NALF1: variants seen among roughly 807,000 people sequenced by gnomAD.
NALF1 encodes family with sequence similarity 155 member A.
Under a neutral mutation model 48.4 loss-of-function variants are expected in NALF1, and 3 were observed. The ratio of observed to expected loss-of-function variants is 0.06; its 90% CI spans 0.03 to 0.16. NALF1 has a LOEUF of 0.16. Ranked by LOEUF, NALF1 falls within the 10% of genes least tolerant of loss-of-function variation. The pLI is 1.00. For missense variants in NALF1, 526 were observed against 571.5 expected (o/e 0.92, Z 0.81); for synonymous variants, 262 against 245.7 (o/e 1.07, Z -0.62).
intron 1 of NALF1, among the ~76,000 whole-genome samples, chr13:107,330,839 T>G (rs1594123530): frequency 6.6e-6 from 1 of 152,204 alleles, no homozygotes; most frequent in African/African-American, 2.4e-5. Flanking sequence ...AAATGAAGGT[T>G]TATGCTAACA....
intron 1 of NALF1, among the ~76,000 whole-genome samples, chr13:107,450,143 A>G (rs1326739528): frequency 3.3e-5 from 5 of 152,182 alleles, no homozygotes; most frequent in Non-Finnish European, 5.9e-5. Flanking sequence ...TGCTTTGTAT[A>G]GAAGACAGGA....
Position 107,321,666 on chromosome 13 carries a change from G to A in NALF1, c.916-110911C>T, listed in dbSNP as rs1882258285. 2.6e-5 allele frequency among the ~76,000 whole-genome samples: 4 copies of A among 151,978 alleles called. No homozygotes were observed. The South Asian group carries it at 8.3e-4, about 32-fold the overall frequency. On this transcript the variant is annotated intron_variant, in intron 1 of 2. Transcript: ENST00000375915. ...TTCCATGGGTTGTTCCTGGCCCTGC[G>A]TCTAGAACTACACAGATTCTGCCTG...
intron 1 of NALF1, among the ~76,000 whole-genome samples, chr13:107,679,518 G>A (rs901903806): frequency 4.6e-5 from 7 of 152,202 alleles, no homozygotes; most frequent in African/African-American, 1.7e-4. Flanking sequence ...TTAGAATCAT[G>A]ATAAAGATTA....
intron 1 of NALF1, among the ~76,000 whole-genome samples, chr13:107,263,308 A>G (rs575600853): frequency 1.3e-4 from 20 of 151,006 alleles, no homozygotes; most frequent in African/African-American, 4.6e-4. Flanking sequence ...GTGGACTCAC[A>G]GTTGATGTGT....
chr13:107,853,431 T>G (rs935940944), intron 1 of NALF1, among the ~76,000 whole-genome samples: 1 of 152,212 alleles, frequency 6.6e-6, no homozygotes, highest in Non-Finnish European at 1.5e-5. Flanking sequence ...CTTAGTTTCT[T>G]TTCCTGTGGA....
intron 1 of NALF1, among the ~76,000 whole-genome samples, chr13:107,493,981 A>C (rs1875239117): frequency 6.6e-6 from 1 of 152,244 alleles, no homozygotes; most frequent in African/African-American, 2.4e-5. Flanking sequence ...TGCAGAAGAC[A>C]TTGTTTTCAT....
chr13:107,650,261 G>A (rs573058129), intron 1 of NALF1, among the ~76,000 whole-genome samples: 85 of 152,148 alleles, frequency 5.6e-4, no homozygotes, highest in South Asian at 2.9e-3. Context: ...GGTACCCCTG[G>A]CCACCCGGAC....
intron 1 of NALF1, among the ~76,000 whole-genome samples, chr13:107,707,281 T>A (rs943160375): frequency 3.3e-5 from 5 of 152,194 alleles, no homozygotes; most frequent in African/African-American, 1.2e-4. Context: ...ATAAATCCAA[T>A]AATCTGGAAG....
chr13:107,381,681 A>C (rs973867509), intron 1 of NALF1, among the ~76,000 whole-genome samples: 4 of 152,096 alleles, frequency 2.6e-5, no homozygotes, highest in Non-Finnish European at 5.9e-5. Context: ...AGGGAGTTTC[A>C]TAGATGGTGT....
At chr13:107,765,799 A>C (rs890606546) in intron 1 of NALF1, among the ~76,000 whole-genome samples, 2 of 152,166 alleles carry the variant, frequency 1.3e-5, no homozygotes, top group Admixed American at 6.5e-5. Flanking sequence ...ATTTAAAGTA[A>C]TAAAGGTTAC....
intron 1 of NALF1, among the ~76,000 whole-genome samples, chr13:107,458,576 G>GA (rs1884864429): frequency 6.6e-6 from 1 of 152,182 alleles, no homozygotes; most frequent in Non-Finnish European, 1.5e-5. Context: ...AAACGAGAGA[G>GA]AAGCAGGCGA....
intron 1 of NALF1, among the ~76,000 whole-genome samples, chr13:107,608,036 C>T (rs1470007046): frequency 1.3e-5 from 2 of 152,186 alleles, no homozygotes; most frequent in Non-Finnish European, 2.9e-5. Flanking sequence ...TATTTTAAAA[C>T]ATTTCTACTA....
chr13:107,526,392 A>G (rs2139102155), intron 1 of NALF1, among the ~76,000 whole-genome samples: 1 of 152,188 alleles, frequency 6.6e-6, no homozygotes, highest in Non-Finnish European at 1.5e-5. Context: ...TTCTGTTTCA[A>G]TTGATTGTTT....
At chr13:107,215,502 G>A (rs1054458172) in intron 1 of NALF1, among the ~76,000 whole-genome samples, 1 of 133,402 alleles carries the variant, frequency 7.5e-6, no homozygotes, top group African/African-American at 2.5e-5. Flanking sequence ...CACTCTTAAT[G>A]AAGATTTTTT....
intron 1 of NALF1, among the ~76,000 whole-genome samples, chr13:107,789,668 T>C (rs1355781584): frequency 6.6e-6 from 1 of 152,168 alleles, no homozygotes; most frequent in Admixed American, 6.5e-5. Flanking sequence ...TTTTCCATGT[T>C]AGAGATAATA....
chr13:107,410,448 G>A (rs1566330308), intron 1 of NALF1, among the ~76,000 whole-genome samples: 1 of 152,052 alleles, frequency 6.6e-6, no homozygotes, highest in Non-Finnish European at 1.5e-5. Flanking sequence ...AAAGACATTG[G>A]CAATATCCAA....
At chr13:107,526,238 G>A (rs2139101960) in intron 1 of NALF1, among the ~76,000 whole-genome samples, 1 of 152,116 alleles carries the variant, frequency 6.6e-6, no homozygotes, top group South Asian at 2.1e-4. Flanking sequence ...TCAGATAAAT[G>A]GGAGTACGAT....
At chr13:107,796,449 C>T (rs757278943) in intron 1 of NALF1, among the ~76,000 whole-genome samples, 2 of 152,046 alleles carry the variant, frequency 1.3e-5, no homozygotes, top group Non-Finnish European at 2.9e-5. Flanking sequence ...TTCTCTCATT[C>T]GATGTGAACA....
intron 1 of NALF1, among the ~76,000 whole-genome samples, chr13:107,695,515 T>C (rs531813422): frequency 2.0e-4 from 31 of 152,204 alleles, no homozygotes; most frequent in Non-Finnish European, 4.3e-4. Flanking sequence ...CAAATGATTT[T>C]GCTTATTCCT....
Sources: allele counts gnomAD v4.1 joint callset (sites outside exome capture counted in the v4.1 genomes callset), GRCh38; gene constraint gnomAD v4.1.1; transcripts MANE v1.5; gene names NCBI Gene and HGNC (gene_info 2026-07-23, HGNC 2026-07-21).